The following HS3ST4 variants were observed in gnomAD, a reference collection of about 807,000 sequenced individuals.
HS3ST4 encodes the protein heparan sulfate-glucosamine 3-sulfotransferase 4.
In HS3ST4, 17 loss-of-function variants were observed where a neutral mutation model predicts 29.2. The observed-to-expected ratio is 0.58, with a 90% confidence interval of 0.40 to 0.87. The LOEUF (loss-of-function observed/expected upper bound fraction) is 0.87, where lower values mean the gene tolerates loss of function less well. Among genes scored for constraint, HS3ST4 ranks in the 40% least tolerant of loss-of-function variants. The pLI is 0.00. For synonymous variants in HS3ST4, 314 were observed against 285.7 expected (o/e 1.10, Z -1.00); for missense variants, 627 against 634.5 (o/e 0.99, Z 0.13).
At chr16:25,960,393 G>A (rs1423291116) in intron 1 of HS3ST4, among the ~76,000 whole-genome samples, 1 of 152,186 alleles carries the variant, frequency 6.6e-6, no homozygotes, top group Non-Finnish European at 1.5e-5. Context: ...TACCTTAAAG[G>A]AGAATAGAAA....
chr16:26,072,814 A>G (rs778651529), intron 1 of HS3ST4, among the ~76,000 whole-genome samples: 1 of 152,160 alleles, frequency 6.6e-6, no homozygotes, highest in Non-Finnish European at 1.5e-5. Context: ...AAATCAGAAA[A>G]ATTTAGAAAA....
chr16:25,922,677 A>G (rs775158492), intron 1 of HS3ST4, among the ~76,000 whole-genome samples: 1 of 152,276 alleles, frequency 6.6e-6, no homozygotes, highest in Non-Finnish European at 1.5e-5. Flanking sequence ...CAGAGATAAC[A>G]GCTGTTAAGC....
intron 1 of HS3ST4, among the ~76,000 whole-genome samples, chr16:25,748,113 A>G (rs975618791): frequency 3.3e-5 from 5 of 152,094 alleles, no homozygotes; most frequent in Admixed American, 1.3e-4. Flanking sequence ...GGACCTGGGC[A>G]TTGGGAGGTC....
chr16:25,881,000 G>A (rs777373451), intron 1 of HS3ST4, among the ~76,000 whole-genome samples: 3 of 152,114 alleles, frequency 2.0e-5, no homozygotes, highest in Non-Finnish European at 4.4e-5. Context: ...GAGTATGGAT[G>A]GCTCACCCAT....
At position 25,902,778 on chromosome 16, in the gene HS3ST4, C is replaced by CA. The variant is rs149658391; in HGVS notation, c.734+209635dup. Among the ~76,000 whole-genome samples the CA allele has an allele frequency of 3.3e-3, 495 of 151,148 alleles. 1 individual carries two copies. The highest frequency in any genetic ancestry group is 1.0e-2 in the African/African-American group (410 of 41,112). ...ATGGGACTCCAGACAGCATTAAAAACAAAAAAAACAGAACAAAAAAAACAA... is the reference window on the plus strand; with the variant it reads ...ATGGGACTCCAGACAGCATTAAAAACAAAAAAAAACAGAACAAAAAAAACAA... On this transcript the variant is annotated intron_variant, in intron 1 of 1. Coordinates refer to ENST00000331351, the MANE Select transcript of HS3ST4 (RefSeq NM_006040.3).
intron 1 of HS3ST4, among the ~76,000 whole-genome samples, chr16:25,915,434 G>C (rs531304079): frequency 2.6e-5 from 4 of 152,062 alleles, no homozygotes; most frequent in Non-Finnish European, 5.9e-5. Flanking sequence ...TCCTCTTCTT[G>C]ACGTTTTTGA....
intron 1 of HS3ST4, among the ~76,000 whole-genome samples, chr16:25,898,457 C>G (rs1968091933): frequency 6.6e-6 from 1 of 152,218 alleles, no homozygotes; most frequent in Non-Finnish European, 1.5e-5. Context: ...TCTTGCAGAT[C>G]AGCTTCATGG....
chr16:25,709,051 T>C (rs1259776272), intron 1 of HS3ST4, among the ~76,000 whole-genome samples: 2 of 151,938 alleles, frequency 1.3e-5, no homozygotes, highest in African/African-American at 4.8e-5. Context: ...ATTTAATGGC[T>C]CATGTATCTG....
At chr16:25,994,894 T>G (rs1447813061) in intron 1 of HS3ST4, among the ~76,000 whole-genome samples, 1 of 152,220 alleles carries the variant, frequency 6.6e-6, no homozygotes, top group African/African-American at 2.4e-5. Flanking sequence ...TTAACTCCGA[T>G]GGATTTTTCT....
At chr16:25,850,513 C>G (rs1967508792) in intron 1 of HS3ST4, among the ~76,000 whole-genome samples, 1 of 152,168 alleles carries the variant, frequency 6.6e-6, no homozygotes, top group Admixed American at 6.5e-5. Context: ...CTTCTAAATT[C>G]TGGCTCTTAG....
intron 1 of HS3ST4, among the ~76,000 whole-genome samples, chr16:25,800,291 A>G (rs569633970): frequency 6.6e-6 from 1 of 152,208 alleles, no homozygotes; most frequent in East Asian, 1.9e-4. Context: ...ATTTTGGCCT[A>G]TTTATGGGAG....
chr16:26,059,781 AT>A (rs1246853712), intron 1 of HS3ST4, among the ~76,000 whole-genome samples: 1 of 151,824 alleles, frequency 6.6e-6, no homozygotes, highest in African/African-American at 2.4e-5. Context: ...ATTTTATTTT[AT>A]TTTTATTTTT....
chr16:26,126,224 AACTTAAT>A (rs1182454921), intron 1 of HS3ST4, among the ~76,000 whole-genome samples: 1 of 152,142 alleles, frequency 6.6e-6, no homozygotes, highest in Non-Finnish European at 1.5e-5. Flanking sequence ...GGTCTTCAAA[AACTTAAT>A]ACTTAGTACT....
At chr16:26,071,322 C>T (rs963898394) in intron 1 of HS3ST4, among the ~76,000 whole-genome samples, 15 of 151,860 alleles carry the variant, frequency 9.9e-5, no homozygotes, top group African/African-American at 3.1e-4. Context: ...ATTAGGAGTC[C>T]GTGGGTGCGG....
intron 1 of HS3ST4, among the ~76,000 whole-genome samples, chr16:25,725,026 C>A (rs1473933216): frequency 9.6e-6 from 1 of 104,262 alleles, no homozygotes; most frequent in African/African-American, 3.4e-5. Flanking sequence ...TATCTTCCTT[C>A]CTCCCTCTTT....
intron 1 of HS3ST4, among the ~76,000 whole-genome samples, chr16:26,095,405 C>A (rs903607681): frequency 6.6e-6 from 1 of 152,100 alleles, no homozygotes; most frequent in Non-Finnish European, 1.5e-5. Context: ...ACAGAAATCA[C>A]AACAAACTGT....
intron 1 of HS3ST4, among the ~76,000 whole-genome samples, chr16:26,005,462 G>A (rs972090912): frequency 2.0e-5 from 3 of 152,154 alleles, no homozygotes; most frequent in Non-Finnish European, 4.4e-5. Flanking sequence ...CAGTAGCAGA[G>A]GTGCCCTGGG....
chr16:26,081,013 C>A (rs1403663429), intron 1 of HS3ST4, among the ~76,000 whole-genome samples: 1 of 152,150 alleles, frequency 6.6e-6, no homozygotes, highest in East Asian at 1.9e-4. Flanking sequence ...AGGCTGGGCA[C>A]AGTGGCTTAC....
At chr16:25,706,578 T>G (rs959230695) in intron 1 of HS3ST4, among the ~76,000 whole-genome samples, 14 of 152,158 alleles carry the variant, frequency 9.2e-5, no homozygotes, top group African/African-American at 3.4e-4. Flanking sequence ...TTCCCCTCCC[T>G]GTGTCCATGT....
Sources: gnomAD v4.1 joint callset for allele counts (sites outside exome capture counted in the v4.1 genomes callset) on GRCh38, gnomAD v4.1.1 for gene constraint, MANE v1.5 for transcripts, NCBI Gene and HGNC (gene_info 2026-07-23, HGNC 2026-07-21) for gene names.